ELOVL6: variants seen among roughly 807,000 people sequenced by gnomAD.
The protein encoded by ELOVL6 is ELOVL fatty acid elongase 6, also known as very long chain fatty acid elongase 6.
ELOVL6 carries 8 observed loss-of-function variants against 31.7 expected under a neutral mutation model. The observed-to-expected ratio is 0.25, with a 90% CI of 0.15 to 0.45. The LOEUF (loss-of-function observed/expected upper bound fraction) is 0.45. Ranked by LOEUF, ELOVL6 falls within the 20% of genes least tolerant of loss-of-function variation. The pLI, the probability that ELOVL6 is intolerant of heterozygous loss-of-function variation, is 1.00. For synonymous variants in ELOVL6, 101 were observed against 117.7 expected, an observed-to-expected ratio of 0.86 and a Z score of 0.92; for missense variants, 126 against 326.4, an observed-to-expected ratio of 0.39 and a Z score of 4.73.
chr4:110,184,754 T>A (rs1166550800), intron 1 of ELOVL6, among the ~76,000 whole-genome samples: 3 of 152,194 alleles, frequency 2.0e-5, no homozygotes, highest in Admixed American at 2.0e-4. Context: ...AGTACTTTCA[T>A]GCTGAGCTAT....
At chr4:110,081,016 C>G (rs56177130) in intron 2 of ELOVL6, among the ~76,000 whole-genome samples, 37,504 of 151,658 alleles carry the variant, frequency 0.25, 4,835 homozygotes, top group Non-Finnish European at 0.29. Flanking sequence ...GATAAAATAC[C>G]TAGGAATCCA....
intron 2 of ELOVL6, among the ~76,000 whole-genome samples, chr4:110,077,854 GA>G (rs1755695102): frequency 6.6e-6 from 1 of 151,964 alleles, no homozygotes; most frequent in African/African-American, 2.4e-5. Flanking sequence ...AAAATTAGAC[GA>G]AAGGCTAACT....
At chr4:110,108,205 A>G (rs1223863029) in intron 1 of ELOVL6, among the ~76,000 whole-genome samples, 2 of 152,184 alleles carry the variant, frequency 1.3e-5, no homozygotes, top group African/African-American at 2.4e-5. Flanking sequence ...TACATATACC[A>G]TGGAAGACAT....
chr4:110,092,137 G>C (rs923233326), intron 2 of ELOVL6, among the ~76,000 whole-genome samples: 3 of 152,176 alleles, frequency 2.0e-5, no homozygotes, highest in African/African-American at 4.8e-5. Context: ...CCATTTACTA[G>C]TAGCTCTGGC....
chr4:110,120,798 C>CTTTTTTTTTTTTTTTTTTT (rs1008949209), intron 1 of ELOVL6, among the ~76,000 whole-genome samples: 1 of 117,872 alleles, frequency 8.5e-6, no homozygotes. Flanking sequence ...TTTTTCTTTT[C>CTTTTTTTTTTTTTTTTTTT]TTTTTTTTTT....
At chr4:110,130,429 G>A (rs58097294) in intron 1 of ELOVL6, among the ~76,000 whole-genome samples, 4,323 of 152,168 alleles carry the variant, frequency 0.028, 159 homozygotes, top group East Asian at 0.16. Context: ...ATAAGACAGC[G>A]GGGAAACAAA....
intron 3 of ELOVL6, among the ~76,000 whole-genome samples, chr4:110,054,277 T>C (rs7662161): frequency 0.2 from 30,084 of 152,012 alleles, 3,461 homozygotes; most frequent in African/African-American, 0.3. Flanking sequence ...CCCTCATACA[T>C]ATACTTAAGG....
At chr4:110,178,044 A>T (rs2126276448) in intron 1 of ELOVL6, among the ~76,000 whole-genome samples, 1 of 152,310 alleles carries the variant, frequency 6.6e-6, no homozygotes, top group Admixed American at 6.5e-5. Flanking sequence ...AAAAATGATT[A>T]AAAAATAATG....
intron 2 of ELOVL6, among the ~76,000 whole-genome samples, chr4:110,101,108 C>CA (rs1756728087): frequency 6.6e-6 from 1 of 152,172 alleles, no homozygotes; most frequent in African/African-American, 2.4e-5. Flanking sequence ...GGCACAATCT[C>CA]AGCTCACTGC....
At chr4:110,187,898 C>T (rs530121161) in intron 1 of ELOVL6, among the ~76,000 whole-genome samples, 3 of 152,150 alleles carry the variant, frequency 2.0e-5, no homozygotes, top group South Asian at 4.2e-4. Flanking sequence ...GTTTCCTTTC[C>T]GACATCTTTA....
Position 110,093,193 on chromosome 4 carries a change from G to C in ELOVL6, c.221+12304C>G, listed in dbSNP as rs1756474376. 1.1e-5 allele frequency: 4 copies of C among 374,438 alleles called. No homozygotes were observed. In the Middle Eastern group the frequency reaches 1.3e-3, roughly 124 times the overall value. 23.2% of individuals were successfully genotyped at this position (374,438 alleles called of 1,614,324 possible). On this transcript the variant is annotated intron_variant, in intron 2 of 3. Coordinates refer to ENST00000302274, the MANE Select transcript of ELOVL6 (RefSeq NM_024090.3). ...TTGTCCACACTCAAATGTATTAACT[G>C]CATTACAGAGAATTAAAATTATGAT...
At chr4:110,084,394 G>GATATATCACACATATC (rs1202116032) in intron 2 of ELOVL6, among the ~76,000 whole-genome samples, 2 of 41,146 alleles carry the variant, frequency 4.9e-5, no homozygotes, top group South Asian at 8.5e-4. Context: ...TCGCATATAT[G>GATATATCACACATATC]ATATATGATA....
intron 1 of ELOVL6, among the ~76,000 whole-genome samples, chr4:110,147,986 T>G (rs536158271): frequency 2.6e-5 from 4 of 151,848 alleles, no homozygotes; most frequent in Admixed American, 1.3e-4. Flanking sequence ...TGGTGGCGCA[T>G]GCCTGTAATC....
intron 2 of ELOVL6, among the ~76,000 whole-genome samples, chr4:110,095,039 C>A (rs1011219191): frequency 1.9e-4 from 29 of 152,190 alleles, no homozygotes; most frequent in African/African-American, 7.0e-4. Context: ...GAACTACCAG[C>A]AAGTTCAGTG....
chr4:110,176,353 G>T (rs1038283359), intron 1 of ELOVL6, among the ~76,000 whole-genome samples: 1 of 152,028 alleles, frequency 6.6e-6, no homozygotes, highest in Admixed American at 6.6e-5. Flanking sequence ...AACAGAGATG[G>T]GGTTTCACCA....
chr4:110,158,068 G>C (rs1402947468), intron 1 of ELOVL6, among the ~76,000 whole-genome samples: 2 of 152,148 alleles, frequency 1.3e-5, no homozygotes, highest in East Asian at 3.8e-4. Flanking sequence ...TGTCAAGTTA[G>C]TTAATTATGC....
intron 1 of ELOVL6, among the ~76,000 whole-genome samples, chr4:110,123,915 G>C (rs1477373233): frequency 6.6e-6 from 1 of 152,108 alleles, no homozygotes; most frequent in Non-Finnish European, 1.5e-5. Flanking sequence ...AGCATGAAAG[G>C]ATCTAGACTA....
intron 1 of ELOVL6, among the ~76,000 whole-genome samples, chr4:110,148,067 C>A (rs1409158684): frequency 6.7e-6 from 1 of 149,116 alleles, no homozygotes; most frequent in Non-Finnish European, 1.5e-5. Context: ...CGAGATTGTG[C>A]CATTGCAGTC....
At chr4:110,195,680 C>T (rs1281873926) in intron 1 of ELOVL6, among the ~76,000 whole-genome samples, 2 of 152,056 alleles carry the variant, frequency 1.3e-5, no homozygotes, top group African/African-American at 4.8e-5. Context: ...GGGAAAAATC[C>T]CAAGATGTGA....
Sources: gnomAD v4.1 joint callset for allele counts (sites outside exome capture counted in the v4.1 genomes callset) on GRCh38, gnomAD v4.1.1 for gene constraint, MANE v1.5 for transcripts, NCBI Gene and HGNC (gene_info 2026-07-23, HGNC 2026-07-21) for gene names.